Variants in TRAPPC9 observed in about 807,000 individuals in gnomAD.
TRAPPC9 encodes the protein trafficking protein particle complex subunit 9.
In TRAPPC9, 83 loss-of-function variants were observed where a neutral mutation model predicts 124.0. The ratio of observed to expected loss-of-function variants is 0.67; its 90% CI spans 0.56 to 0.80. The LOEUF is 0.80. Ranked by LOEUF, TRAPPC9 falls within the 30% of genes least tolerant of loss-of-function variation. TRAPPC9 has a pLI of 0.00. For missense variants in TRAPPC9, 1,302 were observed against 1,508.3 expected (o/e 0.86, Z 2.27); for synonymous variants, 638 against 617.5 (o/e 1.03, Z -0.49).
At chr8:139,989,059 G>C (rs1837455576) in intron 18 of TRAPPC9, among the ~76,000 whole-genome samples, 1 of 152,130 alleles carries the variant, frequency 6.6e-6, no homozygotes, top group Non-Finnish European at 1.5e-5. Context: ...TCCTCCTTGG[G>C]CCCGGGGTCC....
intron 17 of TRAPPC9, among the ~76,000 whole-genome samples, chr8:140,205,086 C>G (rs2062889949): frequency 6.6e-6 from 1 of 152,304 alleles, no homozygotes; most frequent in South Asian, 2.1e-4. Flanking sequence ...TGTAGGAATA[C>G]TCAAAGTAGA....
intron 20 of TRAPPC9, among the ~76,000 whole-genome samples, chr8:139,888,171 G>C (rs187653418): frequency 4.6e-4 from 70 of 152,314 alleles, no homozygotes; most frequent in African/African-American, 1.6e-3. Flanking sequence ...GGGAGCTGTG[G>C]CTGAAGCTCT....
intron 9 of TRAPPC9, among the ~76,000 whole-genome samples, chr8:140,342,658 C>G (rs1448886865): frequency 6.6e-6 from 1 of 152,052 alleles, no homozygotes; most frequent in Non-Finnish European, 1.5e-5. Context: ...TTCTCCCCAG[C>G]CCAGTGAAAA....
At chr8:139,836,733 A>G (rs1826382785) in intron 21 of TRAPPC9, among the ~76,000 whole-genome samples, 1 of 152,240 alleles carries the variant, frequency 6.6e-6, no homozygotes, top group African/African-American at 2.4e-5. Context: ...CATGCATGCA[A>G]TTAGTCATGG....
At chr8:140,075,630 T>A (rs1843462420) in intron 17 of TRAPPC9, among the ~76,000 whole-genome samples, 3 of 152,232 alleles carry the variant, frequency 2.0e-5, no homozygotes, top group African/African-American at 7.2e-5. Context: ...TAAGCATGTA[T>A]ATTATATGCA....
At chr8:140,174,707 T>C (rs1379022358) in intron 17 of TRAPPC9, among the ~76,000 whole-genome samples, 2 of 152,194 alleles carry the variant, frequency 1.3e-5, no homozygotes, top group Non-Finnish European at 2.9e-5. Context: ...CGCTTAACGA[T>C]GTTTTCAAGG....
intron 5 of TRAPPC9, among the ~76,000 whole-genome samples, chr8:140,409,528 A>G (rs1487032238): frequency 1.3e-5 from 2 of 152,218 alleles, no homozygotes; most frequent in Admixed American, 6.5e-5. Context: ...TATTATCTGT[A>G]ACTCCCAAAC....
chr8:140,174,224 G>A (rs2062018931), intron 17 of TRAPPC9, among the ~76,000 whole-genome samples: 1 of 152,054 alleles, frequency 6.6e-6, no homozygotes, highest in African/African-American at 2.4e-5. Context: ...CCTCTTGGAG[G>A]ATGGAGGGTG....
At chr8:140,194,627 T>G (rs2062591439) in intron 17 of TRAPPC9, among the ~76,000 whole-genome samples, 1 of 152,194 alleles carries the variant, frequency 6.6e-6, no homozygotes, top group Non-Finnish European at 1.5e-5. Context: ...TGCCTGGACC[T>G]AGGGCACTCG....
intron 5 of TRAPPC9, among the ~76,000 whole-genome samples, chr8:140,421,454 T>C (rs189436912): frequency 5.8e-4 from 88 of 152,294 alleles, no homozygotes; most frequent in African/African-American, 2.1e-3. Context: ...TGAAAATACC[T>C]TTGTATGTTT....
At chr8:140,103,642 A>G (rs4297022) in intron 17 of TRAPPC9, among the ~76,000 whole-genome samples, 99,272 of 152,146 alleles carry the variant, frequency 0.65, 33,587 homozygotes, top group East Asian at 0.87. Flanking sequence ...AGAATCTAAT[A>G]AGTAGCAATG....
At chr8:140,426,927 T>C (rs2070443871) in intron 4 of TRAPPC9, among the ~76,000 whole-genome samples, 2 of 151,900 alleles carry the variant, frequency 1.3e-5, no homozygotes, top group African/African-American at 2.4e-5. Flanking sequence ...CCAGTTCTTT[T>C]TTTTTTTTTC....
At chr8:140,388,051 G>T (rs892503803) in intron 7 of TRAPPC9, among the ~76,000 whole-genome samples, 1 of 151,696 alleles carries the variant, frequency 6.6e-6, no homozygotes, top group Non-Finnish European at 1.5e-5. Context: ...CCATAAAAAA[G>T]GATGAGTTCA....
chr8:140,130,348 G>C (rs935580022), intron 17 of TRAPPC9, among the ~76,000 whole-genome samples: 3 of 152,170 alleles, frequency 2.0e-5, no homozygotes, highest in African/African-American at 7.2e-5. Context: ...CCTTACTCAA[G>C]TGATCATTGT....
intron 21 of TRAPPC9, among the ~76,000 whole-genome samples, chr8:139,780,095 AG>A (rs1476405715): frequency 3.3e-5 from 5 of 152,208 alleles, no homozygotes; most frequent in African/African-American, 1.2e-4. Context: ...GTTCTTCTTA[AG>A]TTGATTATCT....
chr8:140,100,854 C>T (rs771029301), intron 17 of TRAPPC9, among the ~76,000 whole-genome samples: 1 of 152,178 alleles, frequency 6.6e-6, no homozygotes, highest in African/African-American at 2.4e-5. Flanking sequence ...CTTTCCGAGG[C>T]GAAAGCCTGG....
chr8:140,156,181 C>G (rs548053243), intron 17 of TRAPPC9, among the ~76,000 whole-genome samples: 2 of 152,194 alleles, frequency 1.3e-5, no homozygotes, highest in Non-Finnish European at 2.9e-5. Flanking sequence ...CAACACCTCC[C>G]GCCACCACCT....
rs979174941 is a variant in TRAPPC9 at position 140,241,414 on chromosome 8, G to C, written c.2431+11363C>G. ...AGACTCCATCTCAAAAATAAAAATT[G>C]GGCCAGGCGCGGTGGCACCCGCCTG... On this transcript the variant is annotated intron_variant, in intron 16 of 22. Transcript: ENST00000438773. This position sits in a 1 kb window ranked among gnomAD's most constrained non-coding sequence, Gnocchi z 5.0. Among the ~76,000 whole-genome samples the C allele has an allele frequency of 6.7e-6, 1 of 150,082 alleles. No individual in the cohort carries two copies. Among genetic ancestry groups the C allele is most frequent in the African/African-American group, 2.5e-5 (1 of 40,710 alleles).
chr8:140,077,074 G>A (rs1328606592), intron 17 of TRAPPC9, among the ~76,000 whole-genome samples: 1 of 152,144 alleles, frequency 6.6e-6, no homozygotes, highest in East Asian at 1.9e-4. Context: ...GCTGAGGCAG[G>A]AGGATCGCTT....
Sources: gnomAD v4.1 joint callset for allele counts (sites outside exome capture counted in the v4.1 genomes callset) on GRCh38, gnomAD v4.1.1 for gene constraint, Gnocchi (gnomAD v3.1) non-coding constraint, MANE v1.5 for transcripts, NCBI Gene and HGNC (gene_info 2026-07-23, HGNC 2026-07-21) for gene names.